GRXCR1: variants seen among roughly 807,000 people sequenced by gnomAD.
GRXCR1 encodes glutaredoxin domain-containing cysteine-rich protein 1.
In GRXCR1, 27 loss-of-function variants were observed where a neutral mutation model predicts 27.3. The observed-to-expected ratio is 0.99, with a 90% CI of 0.73 to 1.37. GRXCR1 has a LOEUF of 1.37. GRXCR1 is among the 40% of genes most tolerant of loss of function. The pLI is 0.00. For synonymous variants in GRXCR1, 122 were observed against 131.1 expected (o/e 0.93, Z 0.47); for missense variants, 379 against 354.4 (o/e 1.07, Z -0.56).
At chr4:42,979,295 A>G (rs7664139) in intron 2 of GRXCR1, among the ~76,000 whole-genome samples, 53,708 of 151,842 alleles carry the variant, frequency 0.35, 9,675 homozygotes, top group African/African-American at 0.4. Context: ...TCTTTTCCTC[A>G]TTGAGTATGA....
At chr4:42,927,744 T>G (rs1212918521) in intron 1 of GRXCR1, among the ~76,000 whole-genome samples, 1 of 151,898 alleles carries the variant, frequency 6.6e-6, no homozygotes, top group Non-Finnish European at 1.5e-5. Context: ...TGATTTGAAA[T>G]TCAAGAACAG....
chr4:42,978,976 G>A (rs1216685615), intron 2 of GRXCR1, among the ~76,000 whole-genome samples: 1 of 151,934 alleles, frequency 6.6e-6, no homozygotes, highest in East Asian at 1.9e-4. Context: ...CTTTCCTGTT[G>A]CCTTGTGAAG....
intron 1 of GRXCR1, among the ~76,000 whole-genome samples, chr4:42,918,158 T>C (rs1161003946): frequency 2.6e-5 from 4 of 152,110 alleles, no homozygotes; most frequent in Non-Finnish European, 4.4e-5. Context: ...TGGTAGTGTC[T>C]GGTATCTGCT....
At chr4:42,987,277 T>TATATAG (rs1553943958) in intron 2 of GRXCR1, among the ~76,000 whole-genome samples, 32 of 104,254 alleles carry the variant, frequency 3.1e-4, no homozygotes, top group African/African-American at 1.0e-3. Context: ...TATATATATA[T>TATATAG]AGAGAGAGAG....
intron 2 of GRXCR1, 134 bp downstream of exon 2, chr4:42,963,268 T>C: frequency 5.2e-6 from 5 of 968,842 alleles, no homozygotes; most frequent in Non-Finnish European, 8.3e-6. Flanking sequence ...CCAAAGGGAT[T>C]GGAGCACTTA....
At chr4:42,956,737 A>AC (rs1262255087) in intron 1 of GRXCR1, among the ~76,000 whole-genome samples, 1 of 152,072 alleles carries the variant, frequency 6.6e-6, no homozygotes, top group Non-Finnish European at 1.5e-5. Context: ...GGACTACACA[A>AC]CCCTGGGGGA....
intron 2 of GRXCR1, among the ~76,000 whole-genome samples, chr4:43,019,977 G>C (rs1713045070): frequency 6.6e-6 from 1 of 152,152 alleles, no homozygotes; most frequent in Non-Finnish European, 1.5e-5. Flanking sequence ...GAGTAAGGTA[G>C]AGATAACCGA....
At position 42,906,414 on chromosome 4, in the gene GRXCR1, T is replaced by C. The variant is rs150554900; in HGVS notation, c.384+12764T>C. ...TTGCTCCATTACATCAAAAGCAAAA[T>C]AAAGTATAAAACACAGTGACTACAG... On this transcript the variant is annotated intron_variant, in intron 1 of 3. Transcript: ENST00000399770. Among the ~76,000 whole-genome samples the C allele has an allele frequency of 5.8e-3, 888 of 152,236 alleles. 17 individuals are homozygous for C. Among genetic ancestry groups the C allele is most frequent in the African/African-American group, 0.02 (848 of 41,554 alleles).
At position 43,017,285 on chromosome 4, in the gene GRXCR1, C is replaced by T. The variant is rs544353680; in HGVS notation, c.628-3069C>T. Among the ~76,000 whole-genome samples, 8 of 152,238 alleles carry T rather than the reference C, an allele frequency of 5.3e-5. No individual in the cohort carries two copies. The South Asian group carries it at 1.5e-3, about 28-fold the overall frequency. On this transcript the variant is annotated intron_variant, in intron 2 of 3. Transcript: ENST00000399770. ...TCATATACCCCAGACTAGGAGTTCT[C>T]TGTACCATTTTTCAATAATACAATT...
chr4:42,937,154 G>C (rs531743677), intron 1 of GRXCR1, among the ~76,000 whole-genome samples: 2 of 151,584 alleles, frequency 1.3e-5, no homozygotes, highest in Admixed American at 6.6e-5. Flanking sequence ...TGGACTCATA[G>C]GTATTTATTT....
chr4:42,896,611 A>T (rs1228157390), intron 1 of GRXCR1, among the ~76,000 whole-genome samples: 1 of 152,058 alleles, frequency 6.6e-6, no homozygotes, highest in Admixed American at 6.6e-5. Context: ...GAAATCTGAA[A>T]ACCTAGAATC....
intron 1 of GRXCR1, among the ~76,000 whole-genome samples, chr4:42,918,046 G>A (rs1287948461): frequency 6.6e-6 from 1 of 152,066 alleles, no homozygotes; most frequent in Non-Finnish European, 1.5e-5. Flanking sequence ...ATAATGGAAA[G>A]CAGCAGAGAT....
At chr4:42,902,107 A>G (rs963367309) in intron 1 of GRXCR1, among the ~76,000 whole-genome samples, 2 of 152,198 alleles carry the variant, frequency 1.3e-5, no homozygotes, top group Admixed American at 6.5e-5. Context: ...GTATCTTAGT[A>G]TTATATACCT....
chr4:42,937,669 A>G (rs1466737882), intron 1 of GRXCR1, among the ~76,000 whole-genome samples: 1 of 151,924 alleles, frequency 6.6e-6, no homozygotes, highest in African/African-American at 2.4e-5. Context: ...GCTTATTTCT[A>G]AATTCCCACT....
intron 1 of GRXCR1, among the ~76,000 whole-genome samples, chr4:42,953,687 G>A (rs537189708): frequency 2.0e-5 from 3 of 152,248 alleles, no homozygotes; most frequent in South Asian, 4.1e-4. Context: ...TGATCATTGT[G>A]TAATTATGAG....
At chr4:42,945,953 A>G (rs996564435) in intron 1 of GRXCR1, among the ~76,000 whole-genome samples, 1 of 152,088 alleles carries the variant, frequency 6.6e-6, no homozygotes, top group African/African-American at 2.4e-5. Context: ...TTCCTTCTCT[A>G]TATGTTGTTA....
intron 3 of GRXCR1, among the ~76,000 whole-genome samples, chr4:43,027,919 A>G (rs1217628793): frequency 6.6e-6 from 1 of 151,956 alleles, no homozygotes; most frequent in African/African-American, 2.4e-5. Context: ...GACCAGCCTG[A>G]CCAACATGGT....
intron 1 of GRXCR1, among the ~76,000 whole-genome samples, chr4:42,932,653 GAGAGAGAGAGA>G (rs1560654403): frequency 1.5e-4 from 21 of 136,834 alleles, no homozygotes; most frequent in South Asian, 9.5e-4. Context: ...GAGAGAGAGA[GAGAGAGAGAGA>G]GGCAATCTGT....
intron 2 of GRXCR1, among the ~76,000 whole-genome samples, chr4:42,979,950 T>C (rs1318335926): frequency 6.6e-6 from 1 of 152,080 alleles, no homozygotes; most frequent in Non-Finnish European, 1.5e-5. Context: ...CTTTTTGGTA[T>C]ATAATTGTTG....
Sources: allele counts gnomAD v4.1 joint callset (sites outside exome capture counted in the v4.1 genomes callset), GRCh38; gene constraint gnomAD v4.1.1; transcripts MANE v1.5; gene names NCBI Gene and HGNC (gene_info 2026-07-23, HGNC 2026-07-21).